PRPF40B: variants seen among roughly 807,000 people sequenced by gnomAD.
PRPF40B encodes the protein pre-mRNA processing factor 40B, also known as pre-mRNA-processing factor 40 homolog B.
PRPF40B carries 56 observed loss-of-function variants against 124.5 expected under a neutral mutation model. That is an observed-to-expected ratio of 0.45 (90% CI 0.36 to 0.56). The LOEUF is 0.56. Ranked by LOEUF, PRPF40B falls within the 20% of genes least tolerant of loss-of-function variation. The pLI, the probability that PRPF40B is intolerant of heterozygous loss-of-function variation, is 0.00. For missense variants in PRPF40B, 1,053 were observed against 1,169.5 expected (o/e 0.90, Z 1.45); for synonymous variants, 443 against 426.4 (o/e 1.04, Z -0.48).
At position 49,635,811 on chromosome 12, in the gene PRPF40B, C is replaced by T. The variant is rs758776412; in HGVS notation, c.1276-32C>T. ...GGCCTACTTGGGTAGCTCTGGCCTG[C>T]CCTGCCTCACCCTGATCCTGTGGCT... On this transcript the variant is annotated intron_variant, in intron 14 of 25. Coordinates refer to ENST00000548825, the MANE Select transcript of PRPF40B (RefSeq NM_001031698.3). This position sits in a 1 kb window ranked among gnomAD's most constrained non-coding sequence, Gnocchi z 4.1. 1.2e-5 allele frequency: 19 copies of T among 1,611,036 alleles called. No individual in the cohort carries two copies. The highest frequency in any genetic ancestry group is 1.6e-5 in the Non-Finnish European group (19 of 1,178,642).
Position 49,635,384 on chromosome 12 carries a change from G to C in PRPF40B, c.1186G>C (p.Gly396Arg), listed in dbSNP as rs1396817523. 3.7e-6 allele frequency: 6 copies of C among 1,613,840 alleles called. No homozygotes were observed. The highest frequency in any genetic ancestry group is 5.1e-6 in the Non-Finnish European group (6 of 1,179,866). ...CCACAGGCGGGCAGAACAGACCTTT[G>C]GGGAGCTGGAGGTCTGGGCTGTGGT... Reference protein sequence around the residue: ...TRYRRAEQTFGELEVWAVVPE... With the variant: ...TRYRRAEQTFRELEVWAVVPE... Residue 396 changes from glycine (G) to arginine (R), a missense_variant, in exon 14 of 26, where the codon GGG becomes CGG. This residue lies in a region of PRPF40B where 895 missense variants were observed against 1,052.2 expected (regional missense o/e 0.85). Transcript: ENST00000548825. The surrounding 1 kb of genome is among the most constrained non-coding windows in gnomAD (Gnocchi z 4.1).
At chr12:49,633,770 CT>C (rs1308718919) in intron 9 of PRPF40B, 109 bp downstream of exon 9, 46 of 1,604,988 alleles carry the variant, frequency 2.9e-5, no homozygotes, top group Middle Eastern at 3.3e-4. Flanking sequence ...GCTCTGTCTC[CT>C]TGTGGAGTCA....
intron 1 of PRPF40B, chr12:49,623,811 G>C: frequency 8.3e-7 from 1 of 1,204,036 alleles, no homozygotes; most frequent in Non-Finnish European, 1.0e-6. Context: ...GCCTGGCCGG[G>C]GGCGAAAGGT....
At chr12:49,625,661 A>G (rs961573508) in intron 1 of PRPF40B, among the ~76,000 whole-genome samples, 7 of 152,182 alleles carry the variant, frequency 4.6e-5, no homozygotes, top group Non-Finnish European at 1.0e-4. Flanking sequence ...AGGTGAACAT[A>G]TGATGATCAG....
chr12:49,631,801 G>A lies in PRPF40B; in HGVS notation c.229-59G>A. 1 of 1,528,130 alleles carries A rather than the reference G, an allele frequency of 6.5e-7. No individual in the cohort carries two copies. The highest frequency in any genetic ancestry group is 9.1e-7 in the Non-Finnish European group (1 of 1,102,986). The allele number at this position is 1,528,130 out of a possible 1,614,324, so 94.7% of individuals were successfully genotyped here. ...GTCTCAGGACCCTTTGAGGTACCCT[G>A]TCCCTCCTGTTCCAGCCCTTACCTT... On this transcript the variant is annotated intron_variant, in intron 3 of 25. Coordinates refer to ENST00000548825, the MANE Select transcript of PRPF40B (RefSeq NM_001031698.3). The surrounding 1 kb of genome is among the most constrained non-coding windows in gnomAD (Gnocchi z 4.3).
rs1943075206 is a variant in PRPF40B at position 49,644,523 on chromosome 12, A to C, written c.*331A>C. The C allele has an allele frequency of 2.8e-6, 1 of 352,834 alleles. No individual in the cohort carries two copies. The highest frequency in any genetic ancestry group is 2.1e-5 in the African/African-American group (1 of 48,206). The allele number at this position is 352,834 out of a possible 1,614,324, so 21.9% of individuals were successfully genotyped here. ...GGCTGTTGGACGCAGCCTGGGTGGC[A>C]GAGGGCAGGGTCATCACCCTCTAGC... On this transcript the variant is annotated 3_prime_UTR_variant, in exon 26 of 26. Transcript: ENST00000548825.
intron 15 of PRPF40B, 106 bp downstream of exon 15, chr12:49,636,099 A>G (rs1229941604): frequency 1.2e-5 from 17 of 1,419,430 alleles, no homozygotes; most frequent in Non-Finnish European, 1.6e-5. Flanking sequence ...GCCCTCCCGG[A>G]CACCCTAGGA....
In PRPF40B at chr12:49,635,489, C is replaced by T; in HGVS notation, c.1275+16C>T. 6.2e-7 allele frequency: 1 copy of T among 1,600,500 alleles called. No homozygotes were observed. The highest frequency in any genetic ancestry group is 2.2e-5 in the East Asian group (1 of 44,808). On this transcript the variant is annotated intron_variant, in intron 14 of 25. Coordinates refer to ENST00000548825, the MANE Select transcript of PRPF40B (RefSeq NM_001031698.3). The surrounding 1 kb of genome is among the most constrained non-coding windows in gnomAD (Gnocchi z 4.1). ...GAAGGAGAAGGTAATGGTCCCTGGGCAGAATCCTTCAGCCCATCTCATCCT... is the reference window on the plus strand; with the variant it reads ...GAAGGAGAAGGTAATGGTCCCTGGGTAGAATCCTTCAGCCCATCTCATCCT...
rs117469208 is a variant in PRPF40B, at chr12:49,634,827, C to T, written c.1001+225C>T. On this transcript the variant is annotated intron_variant, in intron 12 of 25. Transcript: ENST00000548825. ...TAAATGCTTCCTGAATTGAATCAAA[C>T]GGAATTGAATTAATTGGGGAATGAG... 2.8e-3 allele frequency: 1,825 copies of T among 642,108 alleles called. 7 individuals are homozygous for T. The highest frequency in any genetic ancestry group is 9.1e-3 in the Middle Eastern group (21 of 2,316). 39.8% of individuals were successfully genotyped at this position (642,108 alleles called of 1,614,324 possible).
At chr12:49,624,930 G>A (rs1009448702) in intron 1 of PRPF40B, among the ~76,000 whole-genome samples, 1 of 152,164 alleles carries the variant, frequency 6.6e-6, no homozygotes, top group African/African-American at 2.4e-5. Flanking sequence ...GGCTGGTCCA[G>A]GAAAGTTGGA....
Position 49,642,720 on chromosome 12 carries a change from C to CT in PRPF40B, c.2118+45_2118+46insT. ...TGGATCTGCCTCAGGCCCTTGAACT[C>CT]ATTAGACCAGTTCAACAGAGACCTC... On this transcript the variant is annotated intron_variant, in intron 21 of 25. Transcript: ENST00000548825. The surrounding 1 kb of genome is among the most constrained non-coding windows in gnomAD (Gnocchi z 5.8). 1 of 1,578,780 alleles carries CT rather than the reference C, an allele frequency of 6.3e-7. No homozygotes were observed. Among genetic ancestry groups the CT allele is most frequent in the Non-Finnish European group, 8.6e-7 (1 of 1,156,944 alleles).
Position 49,644,578 on chromosome 12 carries a change from C to T in PRPF40B, c.*386C>T, listed in dbSNP as rs920773250. ...GTGCCTGCTCCTGCCTGCCCTGGCC[C>T]TGAGGCTCCACCACTTCTTCCTCCA... On this transcript the variant is annotated 3_prime_UTR_variant, in exon 26 of 26. Transcript: ENST00000548825. The T allele has an allele frequency of 4.1e-6, 1 of 243,792 alleles. No homozygotes were observed. The highest frequency in any genetic ancestry group is 6.1e-5 in the South Asian group (1 of 16,414). The allele number at this position is 243,792 out of a possible 1,614,324, so 15.1% of individuals were successfully genotyped here.
chr12:49,629,107 G>T (rs1291996033), intron 1 of PRPF40B, among the ~76,000 whole-genome samples: 1 of 152,198 alleles, frequency 6.6e-6, no homozygotes, highest in African/African-American at 2.4e-5. Context: ...GGGCAATATA[G>T]TCATATGGCT....
At chr12:49,640,444 TGAA>T (rs1020800131) in intron 18 of PRPF40B, 16 of 151,902 alleles carry the variant, frequency 1.1e-4, no homozygotes, top group African/African-American at 3.9e-4. Flanking sequence ...AGGGGAGTGT[TGAA>T]GAAGTAAGTG....
At position 49,632,996 on chromosome 12, in the gene PRPF40B, G is replaced by GGGGGGGGGGCC; in HGVS notation, c.349-18_349-17insGGGGGGGGGCC. 7.0e-6 allele frequency: 8 copies of GGGGGGGGGGCC among 1,147,380 alleles called. No individual in the cohort carries two copies. The highest frequency in any genetic ancestry group is 1.7e-5 in the African/African-American group (1 of 57,782). The allele number at this position is 1,147,380 out of a possible 1,614,324, so 71.1% of individuals were successfully genotyped here. A position where few individuals can be genotyped will look rare whatever the true frequency, so the allele number is the denominator to read the frequency against. On this transcript the variant is annotated splice_polypyrimidine_tract_variant and intron_variant, in intron 6 of 25. Transcript: ENST00000548825. ...AAAGGGGCCTTGACCACCATTCTGTGCCCCCCCCCCCACCCAGAGGGCCCT... is the reference window on the plus strand; with the variant it reads ...AAAGGGGCCTTGACCACCATTCTGTGGGGGGGGGGCCCCCCCCCCCCCACCCAGAGGGCCCT...
Position 49,630,553 on chromosome 12 carries a change from C to A in PRPF40B, c.12C>A (p.Pro4=). The part of the protein sequence containing the change: MSV[P]DSGPRPPAAP... ...TTTCTCTCCCTCAACAGTCGGTTCC[C>A]GATTCTGGTCCCCGGCCCCCAGCAG... The change falls in exon 2 of 26, where the codon CCC becomes CCA. Residue 4 remains proline, a synonymous_variant. Coordinates refer to ENST00000548825, the MANE Select transcript of PRPF40B (RefSeq NM_001031698.3). The A allele has an allele frequency of 7.2e-7, 1 of 1,382,442 alleles. No individual in the cohort carries two copies. Among genetic ancestry groups the A allele is most frequent in the East Asian group, 2.4e-5 (1 of 41,936 alleles). 85.6% of individuals were successfully genotyped at this position (1,382,442 alleles called of 1,614,324 possible). A position where few individuals can be genotyped will look rare whatever the true frequency, so the allele number is the denominator to read the frequency against.
intron 18 of PRPF40B, chr12:49,638,770 C>T (rs1164184940): frequency 6.6e-6 from 1 of 152,154 alleles, no homozygotes; most frequent in African/African-American, 2.4e-5. Flanking sequence ...GGTCACTTGA[C>T]CTTTCTGACC....
rs1198253289 is a variant in PRPF40B, at chr12:49,631,105, A to G, written c.85-296A>G. ...CCTCTTTGGGGGAGAATTGCTGAAG[A>G]GGTGGAGCCTTCCAGTCTCAGTCTG... On this transcript the variant is annotated intron_variant, in intron 2 of 25. Coordinates refer to ENST00000548825, the MANE Select transcript of PRPF40B (RefSeq NM_001031698.3). The surrounding 1 kb of genome is among the most constrained non-coding windows in gnomAD (Gnocchi z 4.3). Among the ~76,000 whole-genome samples, 3 of 152,086 alleles carry G rather than the reference A, an allele frequency of 2.0e-5. No individual in the cohort carries two copies. Among genetic ancestry groups the G allele is most frequent in the Admixed American group, 2.0e-4 (3 of 15,280 alleles).
At position 49,630,580 on chromosome 12, in the gene PRPF40B, G is replaced by T; in HGVS notation, c.39G>T (p.Ala13=). 1 of 1,432,488 alleles carries T rather than the reference G, an allele frequency of 7.0e-7. No individual in the cohort carries two copies. The allele number at this position is 1,432,488 out of a possible 1,614,324, so 88.7% of individuals were successfully genotyped here. ...VPDSGPRPPA[A]PAPFPPGPPM... is the part of the protein sequence containing the mutation. ...ATTCTGGTCCCCGGCCCCCAGCAGC[G>T]CCTGCCCCCTTCCCACCGGGGCCCC... Residue 13 remains alanine (A), a synonymous_variant, in exon 2 of 26, where the codon GCG becomes GCT. Transcript: ENST00000548825.
Sources: allele counts gnomAD v4.1 joint callset (sites outside exome capture counted in the v4.1 genomes callset), GRCh38; gene constraint gnomAD v4.1.1; regional missense constraint gnomAD v4.1.1; non-coding constraint Gnocchi (gnomAD v3.1); transcripts MANE v1.5; gene names NCBI Gene and HGNC (gene_info 2026-07-23, HGNC 2026-07-21).